The following CBLN2 variants were observed in gnomAD, a reference collection of about 807,000 sequenced individuals.
The protein encoded by CBLN2 is cerebellin 2 precursor.
CBLN2 carries 7 observed loss-of-function variants against 15.0 expected under a neutral mutation model. The ratio of observed to expected loss-of-function variants is 0.47; its 90% CI spans 0.27 to 0.88. The LOEUF (loss-of-function observed/expected upper bound fraction) is 0.88. Ranked by LOEUF, CBLN2 falls within the 40% of genes least tolerant of loss-of-function variation. The pLI, the probability that CBLN2 is intolerant of heterozygous loss-of-function variation, is 0.14. For missense variants in CBLN2, 242 were observed against 304.5 expected (o/e 0.79, Z 1.53); for synonymous variants, 149 against 135.2 (o/e 1.10, Z -0.71).
intron 1 of CBLN2, among the ~76,000 whole-genome samples, chr18:72,583,241 G>A (rs1208785414): frequency 2.0e-5 from 3 of 152,204 alleles, no homozygotes; most frequent in Non-Finnish European, 4.4e-5. Flanking sequence ...CCCAGGCAGA[G>A]CTAAATCCTT....
At chr18:72,544,544 G>T (rs925143241), upstream of CBLN2, 3 of 152,246 alleles carry the variant, frequency 2.0e-5, no homozygotes, top group African/African-American at 7.2e-5. Context: ...GAAGACGGGG[G>T]AGTCCTGGCC....
chr18:72,576,014 T>C (rs562782459), intron 1 of CBLN2, among the ~76,000 whole-genome samples: 2 of 152,322 alleles, frequency 1.3e-5, no homozygotes, highest in South Asian at 4.1e-4. Flanking sequence ...AGTTATGTTA[T>C]TCATTCAATA....
At chr18:72,563,875 GACCAGTCATACAA>G (rs2069277294) in intron 1 of CBLN2, among the ~76,000 whole-genome samples, 2 of 152,334 alleles carry the variant, frequency 1.3e-5, no homozygotes, top group South Asian at 4.1e-4. Context: ...TGAGCCAGCA[GACCAGTCATACAA>G]ACTCCTACAG....
Position 72,543,473 on chromosome 18 carries a change from C to G in CBLN2, c.-167+13G>C, listed in dbSNP as rs2069133723. The G allele has an allele frequency of 2.5e-6, 1 of 398,584 alleles. No homozygotes were observed. Among genetic ancestry groups the G allele is most frequent in the African/African-American group, 2.1e-5 (1 of 48,594 alleles). 24.7% of individuals were successfully genotyped at this position (398,584 alleles called of 1,614,324 possible). A position where few individuals can be genotyped will look rare whatever the true frequency, so the allele number is the denominator to read the frequency against. Reference sequence around the variant, plus strand: ...CTTGCATGCGGAGGGGAGGGCAGGTCGGGGGTGGTTACCTGGAACATCCAT... The same window carrying G: ...CTTGCATGCGGAGGGGAGGGCAGGTGGGGGGTGGTTACCTGGAACATCCAT... On this transcript the variant is annotated intron_variant, in intron 2 of 4. Transcript: ENST00000269503. This position sits in a 1 kb window ranked among gnomAD's most constrained non-coding sequence, Gnocchi z 6.8.
chr18:72,571,657 C>A (rs527555666), intron 1 of CBLN2, among the ~76,000 whole-genome samples: 1 of 152,084 alleles, frequency 6.6e-6, no homozygotes, highest in African/African-American at 2.4e-5. Context: ...CTGTCCGTGG[C>A]GATTCAGTAG....
At chr18:72,547,647 A>G (rs1427994205), upstream of CBLN2, among the ~76,000 whole-genome samples, 1 of 152,076 alleles carries the variant, frequency 6.6e-6, no homozygotes, top group Admixed American at 6.5e-5. Context: ...AGTAAACATA[A>G]TATACATAAA....
At chr18:72,573,337 A>G (rs1336561003) in intron 1 of CBLN2, among the ~76,000 whole-genome samples, 1 of 152,190 alleles carries the variant, frequency 6.6e-6, no homozygotes, top group Non-Finnish European at 1.5e-5. Flanking sequence ...TAAATCTGAC[A>G]TCCAATTAAA....
intron 1 of CBLN2, among the ~76,000 whole-genome samples, chr18:72,606,290 T>C (rs562085231): frequency 6.6e-6 from 1 of 152,334 alleles, no homozygotes; most frequent in Admixed American, 6.5e-5. Context: ...GCCACTGTTA[T>C]TACTACTATA....
intron 1 of CBLN2, among the ~76,000 whole-genome samples, chr18:72,622,659 C>T (rs1267697893): frequency 1.3e-5 from 2 of 152,172 alleles, no homozygotes; most frequent in Admixed American, 1.3e-4. Flanking sequence ...ACCATTCTTG[C>T]TGTACCTGTG....
chr18:72,623,910 C>T (rs1182729894), intron 1 of CBLN2, among the ~76,000 whole-genome samples: 1 of 152,144 alleles, frequency 6.6e-6, no homozygotes, highest in African/African-American at 2.4e-5. Context: ...AATACTTCTG[C>T]TTTTTATTTC....
intron 1 of CBLN2, among the ~76,000 whole-genome samples, chr18:72,562,238 A>G (rs1406329935): frequency 6.6e-6 from 1 of 152,168 alleles, no homozygotes; most frequent in African/African-American, 2.4e-5. Flanking sequence ...AGGGATGACA[A>G]TGTAGGCCAT....
At chr18:72,572,362 A>G (rs1466770132) in intron 1 of CBLN2, among the ~76,000 whole-genome samples, 2 of 152,196 alleles carry the variant, frequency 1.3e-5, no homozygotes, top group Non-Finnish European at 1.5e-5. Flanking sequence ...TTGGCATTTC[A>G]TAGTCATTCT....
At chr18:72,626,075 C>T (rs1339423778) in intron 1 of CBLN2, among the ~76,000 whole-genome samples, 2 of 151,754 alleles carry the variant, frequency 1.3e-5, no homozygotes, top group African/African-American at 4.8e-5. Flanking sequence ...AGAAAATATC[C>T]CTGAGGAAAG....
upstream of CBLN2, among the ~76,000 whole-genome samples, chr18:72,545,659 C>T (rs2144874518): frequency 6.6e-6 from 1 of 152,246 alleles, no homozygotes; most frequent in Non-Finnish European, 1.5e-5. Context: ...CATCATTCCA[C>T]CATAGAGAGA....
At chr18:72,632,042 AT>A (rs1339543244) in intron 1 of CBLN2, among the ~76,000 whole-genome samples, 3 of 152,050 alleles carry the variant, frequency 2.0e-5, no homozygotes, top group Non-Finnish European at 4.4e-5. Context: ...GTTAGAAACT[AT>A]TTTTTAGTTA....
intron 1 of CBLN2, among the ~76,000 whole-genome samples, chr18:72,549,395 T>C (rs546873880): frequency 6.6e-6 from 1 of 152,360 alleles, no homozygotes; most frequent in Admixed American, 6.5e-5. Context: ...TTTTTTTCTA[T>C]TCTTGTGGGA....
At chr18:72,578,530 T>C (rs565704729) in intron 1 of CBLN2, among the ~76,000 whole-genome samples, 1 of 152,348 alleles carries the variant, frequency 6.6e-6, no homozygotes, top group South Asian at 2.1e-4. Context: ...TATTGTCTGG[T>C]ATACTCTTTG....
intron 1 of CBLN2, among the ~76,000 whole-genome samples, chr18:72,556,601 T>C (rs1190265068): frequency 6.6e-6 from 1 of 152,214 alleles, no homozygotes. Context: ...CTTTCCTGTC[T>C]CTATTTCTGC....
chr18:72,538,395 TCAG>T, intron 4 of CBLN2, 22 bp from the exon 5 acceptor site: 2 of 1,612,796 alleles, frequency 1.2e-6, no homozygotes, highest in Non-Finnish European at 1.7e-6. Flanking sequence ...AGAGTAGAGC[TCAG>T]CAGACCATAA....
Sources: gnomAD v4.1 joint callset for allele counts (sites outside exome capture counted in the v4.1 genomes callset) on GRCh38, gnomAD v4.1.1 for gene constraint, Gnocchi (gnomAD v3.1) non-coding constraint, MANE v1.5 for transcripts, NCBI Gene and HGNC (gene_info 2026-07-23, HGNC 2026-07-21) for gene names.